The following LRP1B variants were observed in gnomAD, a reference collection of about 807,000 sequenced individuals.
The protein encoded by LRP1B is low-density lipoprotein receptor-related protein 1B.
In LRP1B, 217 loss-of-function variants were observed where a neutral mutation model predicts 556.6. The ratio of observed to expected loss-of-function variants is 0.39; its 90% CI spans 0.35 to 0.44. The LOEUF (loss-of-function observed/expected upper bound fraction) is 0.44, where lower values mean the gene tolerates loss of function less well. Among genes scored for constraint, LRP1B ranks in the 20% least tolerant of loss-of-function variants. The probability of loss-of-function intolerance (pLI) is 1.00; values close to 1 mark genes in which losing one functional copy is unlikely to be tolerated. For missense variants in LRP1B, 5,053 were observed against 5,620.8 expected (o/e 0.90, Z 3.23); for synonymous variants, 2,047 against 1,865.8 (o/e 1.10, Z -2.50).
chr2:141,090,296 A>T (rs570791121), intron 7 of LRP1B, among the ~76,000 whole-genome samples: 29 of 152,368 alleles, frequency 1.9e-4, no homozygotes, highest in Non-Finnish European at 4.0e-4. Context: ...CTAAGTGGCT[A>T]TAAATACTGG....
At chr2:140,261,801 G>A (rs1020512977) in intron 86 of LRP1B, among the ~76,000 whole-genome samples, 15 of 151,634 alleles carry the variant, frequency 9.9e-5, no homozygotes, top group South Asian at 6.2e-4. Flanking sequence ...GGAACTGAAC[G>A]GAAACCAAAA....
rs1680535529 is a variant in LRP1B, at chr2:140,233,035, AT to A, written c.*150del. ...GTCAATCAATAGTCATCAGCAAAAA[AT>A]AAAACCCAAAAAACTCAGAAAACAA... On this transcript the variant is annotated 3_prime_UTR_variant, in exon 91 of 91. Transcript: ENST00000389484. 1 of 503,596 alleles carries A rather than the reference AT, an allele frequency of 2.0e-6. No individual in the cohort carries two copies. The highest frequency in any genetic ancestry group is 3.3e-5 in the East Asian group (1 of 30,372). 31.2% of individuals were successfully genotyped at this position (503,596 alleles called of 1,614,324 possible).
At chr2:140,581,944 G>T (rs995399092) in intron 43 of LRP1B, among the ~76,000 whole-genome samples, 10 of 152,102 alleles carry the variant, frequency 6.6e-5, no homozygotes, top group African/African-American at 2.4e-4. Context: ...TATTGTTTCC[G>T]TGTATCCCCT....
At chr2:140,830,401 C>T (rs1025225475) in intron 31 of LRP1B, among the ~76,000 whole-genome samples, 2 of 152,000 alleles carry the variant, frequency 1.3e-5, no homozygotes, top group African/African-American at 4.8e-5. Context: ...AGATTATTCA[C>T]CACAATCAAG....
chr2:141,553,970 C>G (rs1274980207), intron 2 of LRP1B, among the ~76,000 whole-genome samples: 4 of 134,096 alleles, frequency 3.0e-5, no homozygotes, highest in African/African-American at 1.1e-4. Flanking sequence ...GATTATATAT[C>G]TACATTAATA....
At chr2:140,371,385 TAAA>T (rs1219487902) in intron 69 of LRP1B, 100 bp from the exon 70 acceptor site, 1 of 525,530 alleles carries the variant, frequency 1.9e-6, no homozygotes, top group Admixed American at 3.8e-5. Context: ...TAGATGGTAA[TAAA>T]AATAGTTTAT....
chr2:141,033,893 C>T (rs961512895), intron 11 of LRP1B, among the ~76,000 whole-genome samples: 2 of 152,056 alleles, frequency 1.3e-5, no homozygotes, highest in African/African-American at 4.8e-5. Flanking sequence ...GTTCTTGAAG[C>T]TTTATTTTTG....
In LRP1B at chr2:140,762,038, C is replaced by T. The variant is rs369471341; in HGVS notation, c.5758+7175G>A. 1.4e-4 allele frequency among the ~76,000 whole-genome samples: 22 copies of T among 152,078 alleles called. No homozygotes were observed. In the East Asian group the frequency reaches 3.9e-3, roughly 27 times the overall value. On this transcript the variant is annotated intron_variant, in intron 35 of 90. Transcript: ENST00000389484. ...CTAACTATCTGAGTCTCAGATGAAG[C>T]TGTGCCATGAGTCTTCTGCCCCTCA...
intron 1 of LRP1B, among the ~76,000 whole-genome samples, chr2:142,094,516 G>A (rs1390195791): frequency 6.6e-6 from 1 of 151,936 alleles, no homozygotes; most frequent in African/African-American, 2.4e-5. Flanking sequence ...AGCACTGCTT[G>A]CAAAAAGAAT....
intron 41 of LRP1B, among the ~76,000 whole-genome samples, chr2:140,623,977 T>TATATATATA (rs1413110559): frequency 1.4e-5 from 2 of 142,462 alleles, no homozygotes; most frequent in South Asian, 2.2e-4. Context: ...TATATATAGC[T>TATATATATA]TAGTTGTTTT....
chr2:140,596,185 G>T (rs554301990), intron 43 of LRP1B, among the ~76,000 whole-genome samples: 17 of 152,218 alleles, frequency 1.1e-4, no homozygotes, highest in African/African-American at 3.6e-4. Flanking sequence ...TATAATAAAG[G>T]TCCTTGCAAT....
intron 66 of LRP1B, among the ~76,000 whole-genome samples, chr2:140,417,053 C>CA (rs1390310165): frequency 2.0e-5 from 3 of 152,152 alleles, no homozygotes; most frequent in Admixed American, 6.5e-5. Flanking sequence ...ACCAGCTTCC[C>CA]AACTAAGCCA....
chr2:141,440,516 C>T (rs537655900), intron 3 of LRP1B, among the ~76,000 whole-genome samples: 1 of 152,184 alleles, frequency 6.6e-6, no homozygotes, highest in Non-Finnish European at 1.5e-5. Flanking sequence ...GAACAACATG[C>T]GAGGGCTGGG....
intron 2 of LRP1B, among the ~76,000 whole-genome samples, chr2:141,605,582 G>A (rs1389078165): frequency 6.6e-6 from 1 of 152,118 alleles, no homozygotes; most frequent in Non-Finnish European, 1.5e-5. Flanking sequence ...ATGGCCTAGA[G>A]CTGGGCTGGA....
At chr2:140,713,719 T>G (rs1189550479) in intron 37 of LRP1B, among the ~76,000 whole-genome samples, 1 of 152,130 alleles carries the variant, frequency 6.6e-6, no homozygotes, top group East Asian at 1.9e-4. Context: ...CTTCCCTATG[T>G]GTACCTCGTG....
intron 2 of LRP1B, among the ~76,000 whole-genome samples, chr2:141,586,479 T>C (rs1687139427): frequency 6.6e-6 from 1 of 152,206 alleles, no homozygotes; most frequent in African/African-American, 2.4e-5. Flanking sequence ...ATCTAAGGCA[T>C]TTTATGGTTA....
rs180916823 is a variant in LRP1B, at chr2:141,601,845, C to T, written c.206-121312G>A. 7.9e-5 allele frequency among the ~76,000 whole-genome samples: 12 copies of T among 152,216 alleles called. No homozygotes were observed. In the East Asian group the frequency reaches 1.5e-3, roughly 20 times the overall value. On this transcript the variant is annotated intron_variant, in intron 2 of 90. Transcript: ENST00000389484. ...TTTGAACTAATGATCTCAAGTGATGCGCCCACTCAGCTTCCCAGAGTGCTG... is the reference window on the plus strand; with the variant it reads ...TTTGAACTAATGATCTCAAGTGATGTGCCCACTCAGCTTCCCAGAGTGCTG...
intron 1 of LRP1B, among the ~76,000 whole-genome samples, chr2:141,931,803 T>C (rs1431436808): frequency 1.3e-5 from 2 of 151,894 alleles, no homozygotes; most frequent in African/African-American, 2.4e-5. Context: ...TCAAAATGCG[T>C]GGGATTTTGA....
At chr2:141,433,643 G>T (rs1348800161) in intron 3 of LRP1B, among the ~76,000 whole-genome samples, 1 of 151,936 alleles carries the variant, frequency 6.6e-6, no homozygotes, top group Non-Finnish European at 1.5e-5. Context: ...TGATAGTTTT[G>T]TTGGGGTTCT....
Sources: gnomAD v4.1 joint callset for allele counts (sites outside exome capture counted in the v4.1 genomes callset) on GRCh38, gnomAD v4.1.1 for gene constraint, MANE v1.5 for transcripts, NCBI Gene and HGNC (gene_info 2026-07-23, HGNC 2026-07-21) for gene names.